The following CALD1 variants were observed in gnomAD, a reference collection of about 807,000 sequenced individuals.
CALD1 encodes the protein caldesmon.
In CALD1, 33 loss-of-function variants were observed where a neutral mutation model predicts 99.9. The observed-to-expected ratio is 0.33, with a 90% CI of 0.25 to 0.44. CALD1 has a LOEUF of 0.44. Ranked by LOEUF, CALD1 falls within the 20% of genes least tolerant of loss-of-function variation. The pLI is 1.00. For missense variants in CALD1, 861 were observed against 962.1 expected (o/e 0.89, Z 1.39); for synonymous variants, 310 against 325.0 (o/e 0.95, Z 0.50).
At chr7:134,717,574 G>A in the CALD1 span, among the ~76,000 whole-genome samples, 8 of 152,350 alleles carry the variant, frequency 5.3e-5, no homozygotes, top group Admixed American at 3.3e-4. Context: ...TGCAGAGAAA[G>A]CACTGGAATC....
chr7:134,817,158 A>C (rs1042978574), intron 1 of CALD1, among the ~76,000 whole-genome samples: 6 of 152,138 alleles, frequency 3.9e-5, no homozygotes, highest in Non-Finnish European at 8.8e-5. Context: ...AATGCAAGGT[A>C]GGCAAGCTTG....
At chr7:134,828,197 G>A (rs970657031) in intron 1 of CALD1, among the ~76,000 whole-genome samples, 1 of 152,134 alleles carries the variant, frequency 6.6e-6, no homozygotes, top group African/African-American at 2.4e-5. Flanking sequence ...AGCCAATATC[G>A]CGGCTGGTGT....
At chr7:134,949,926 A>G (rs1196063519) in intron 8 of CALD1, among the ~76,000 whole-genome samples, 2 of 152,070 alleles carry the variant, frequency 1.3e-5, no homozygotes, top group East Asian at 3.8e-4. Context: ...AAAAAATCAC[A>G]AAAAGGTCTC....
intron 6 of CALD1, among the ~76,000 whole-genome samples, chr7:134,938,231 G>T (rs1806148584): frequency 6.6e-6 from 1 of 152,196 alleles, no homozygotes; most frequent in Admixed American, 6.5e-5. Flanking sequence ...AACCCAGCCT[G>T]AGAAACAGTA....
At chr7:134,912,909 A>C (rs1803916977) in intron 3 of CALD1, among the ~76,000 whole-genome samples, 2 of 152,134 alleles carry the variant, frequency 1.3e-5, no homozygotes, top group African/African-American at 2.4e-5. Context: ...TTAAGATATT[A>C]GTACTGTGCT....
At chr7:134,847,702 C>G (rs1371600326) in intron 2 of CALD1, among the ~76,000 whole-genome samples, 1 of 152,168 alleles carries the variant, frequency 6.6e-6, no homozygotes, top group African/African-American at 2.4e-5. Context: ...TGCACCTGGT[C>G]TTAAGAGGCA....
Position 134,947,485 on chromosome 7 carries a change from T to C in CALD1, c.1533-23T>C, listed in dbSNP as rs1161356951. 6.4e-6 allele frequency: 10 copies of C among 1,561,464 alleles called. No homozygotes were observed. In the Middle Eastern group the frequency reaches 1.7e-3, roughly 266 times the overall value. On this transcript the variant is annotated intron_variant, in intron 7 of 14. Coordinates refer to ENST00000361675, the MANE Select transcript of CALD1 (RefSeq NM_033138.4). Reference sequence around the variant, plus strand: ...CTACAGGCAAAAGCATGTAAACCCCTTTCCATTGCCCCCCAACCACAGCCG... The same window carrying C: ...CTACAGGCAAAAGCATGTAAACCCCCTTCCATTGCCCCCCAACCACAGCCG...
At chr7:134,823,838 A>C (rs1267253446) in intron 1 of CALD1, among the ~76,000 whole-genome samples, 1 of 152,236 alleles carries the variant, frequency 6.6e-6, no homozygotes, top group African/African-American at 2.4e-5. Context: ...TATTTCAACA[A>C]GTGAATGACA....
chr7:134,749,953 T>C (rs1796670723), intron 1 of CALD1, among the ~76,000 whole-genome samples: 1 of 152,226 alleles, frequency 6.6e-6, no homozygotes, highest in African/African-American at 2.4e-5. Context: ...GCGCCTTCTA[T>C]AAGGGAACCA....
At chr7:134,866,875 A>G (rs369239050) in intron 2 of CALD1, 5 of 152,222 alleles carry the variant, frequency 3.3e-5, no homozygotes, top group African/African-American at 1.2e-4. Context: ...AGCAAGGACA[A>G]AAAGAGCCCG....
chr7:134,715,689 C>A, the CALD1 span, among the ~76,000 whole-genome samples: 3 of 152,214 alleles, frequency 2.0e-5, no homozygotes, highest in Admixed American at 2.0e-4. Flanking sequence ...TTTTCCTCTG[C>A]CCCACAAGTG....
chr7:134,730,787 C>T, the CALD1 span, among the ~76,000 whole-genome samples: 1 of 152,026 alleles, frequency 6.6e-6, no homozygotes, highest in Non-Finnish European at 1.5e-5. Context: ...TCTCATGATT[C>T]CTAAGATTTT....
intron 9 of CALD1, among the ~76,000 whole-genome samples, chr7:134,952,358 G>A (rs1807413397): frequency 6.6e-6 from 1 of 152,018 alleles, no homozygotes; most frequent in Admixed American, 6.6e-5. Flanking sequence ...GTACATATGT[G>A]TACGGTTATA....
At chr7:134,936,389 C>T (rs917717893) in intron 6 of CALD1, among the ~76,000 whole-genome samples, 1 of 152,174 alleles carries the variant, frequency 6.6e-6, no homozygotes, top group Non-Finnish European at 1.5e-5. Flanking sequence ...CGGGGTTTGA[C>T]AGTAATCAGA....
chr7:134,755,038 T>C (rs1350200063), intron 1 of CALD1, among the ~76,000 whole-genome samples: 1 of 152,190 alleles, frequency 6.6e-6, no homozygotes, highest in Non-Finnish European at 1.5e-5. Flanking sequence ...TCTCACTCTG[T>C]CACCCAGGCT....
Position 134,861,492 on chromosome 7 carries a change from A to C in CALD1, c.-41-6201A>C, listed in dbSNP as rs117012659. Among the ~76,000 whole-genome samples the C allele has an allele frequency of 3.2e-4, 49 of 152,326 alleles. No individual in the cohort carries two copies. The East Asian group carries it at 9.1e-3, about 28-fold the overall frequency. ...CTCCCTTTCTCCCACAAAGCACTGA[A>C]TCTCAAGAACACAAAACAGAAAGCA... On this transcript the variant is annotated intron_variant, in intron 2 of 14. Coordinates refer to ENST00000361675, the MANE Select transcript of CALD1 (RefSeq NM_033138.4).
chr7:134,721,265 A>C, the CALD1 span, among the ~76,000 whole-genome samples: 1 of 143,796 alleles, frequency 7.0e-6, no homozygotes, highest in African/African-American at 2.7e-5. Flanking sequence ...AGTTAATTTA[A>C]TTTTCTGATT....
At chr7:134,732,317 G>A in the CALD1 span, among the ~76,000 whole-genome samples, 1 of 152,128 alleles carries the variant, frequency 6.6e-6, no homozygotes, top group Non-Finnish European at 1.5e-5. Flanking sequence ...ATGTATTTAG[G>A]GACCTGCTAT....
chr7:134,964,004 C>CTGG (rs1808477284), intron 13 of CALD1, among the ~76,000 whole-genome samples: 1 of 152,172 alleles, frequency 6.6e-6, no homozygotes, highest in South Asian at 2.1e-4. Flanking sequence ...CGAGACCATC[C>CTGG]TGGCTAACAT....
Sources: gnomAD v4.1 joint callset for allele counts (sites outside exome capture counted in the v4.1 genomes callset) on GRCh38, gnomAD v4.1.1 for gene constraint, MANE v1.5 for transcripts, NCBI Gene and HGNC (gene_info 2026-07-23, HGNC 2026-07-21) for gene names.